The following PDZD2 variants were observed in gnomAD, a reference collection of about 807,000 sequenced individuals.
PDZD2 encodes PDZ domain containing 2, also known as PDZ domain-containing protein 2.
In PDZD2, 90 loss-of-function variants were observed where a neutral mutation model predicts 220.7. The ratio of observed to expected loss-of-function variants is 0.41; its 90% CI spans 0.34 to 0.49. The LOEUF is 0.49. PDZD2 is among the 20% of genes least tolerant of loss of function. PDZD2 has a pLI of 0.28. For missense variants in PDZD2, 3,174 were observed against 3,608.5 expected (o/e 0.88, Z 3.08); for synonymous variants, 1,375 against 1,450.5 (o/e 0.95, Z 1.18).
At chr5:31,885,770 T>G (rs1740405086) in intron 2 of PDZD2, among the ~76,000 whole-genome samples, 1 of 152,166 alleles carries the variant, frequency 6.6e-6, no homozygotes, top group African/African-American at 2.4e-5. Context: ...AATATAGCAT[T>G]AGATAAATGC....
At chr5:31,806,417 G>A (rs972315931) in intron 2 of PDZD2, among the ~76,000 whole-genome samples, 4 of 152,262 alleles carry the variant, frequency 2.6e-5, no homozygotes, top group Admixed American at 6.5e-5. Context: ...TACAGACCCC[G>A]TTCCTGATTC....
intron 1 of PDZD2, chr5:31,712,191 T>G (rs1373756573): frequency 6.6e-6 from 1 of 152,212 alleles, no homozygotes; most frequent in Non-Finnish European, 1.5e-5. Context: ...ATCATCCTGG[T>G]TATCTGTTGC....
intron 8 of PDZD2, among the ~76,000 whole-genome samples, chr5:32,051,645 C>T (rs1178900470): frequency 2.0e-5 from 3 of 152,096 alleles, no homozygotes; most frequent in African/African-American, 7.2e-5. Flanking sequence ...GCGCAGCCTG[C>T]TTACACGCGT....
intron 1 of PDZD2, among the ~76,000 whole-genome samples, chr5:31,683,222 A>AAAAG (rs1561381620): frequency 1.4e-4 from 21 of 148,648 alleles, no homozygotes; most frequent in African/African-American, 3.0e-4. Context: ...AAAAAAAAAA[A>AAAAG]AAAGAAAGAA....
In PDZD2 at chr5:31,639,526, C is replaced by G. The variant is rs1004290635; in HGVS notation, c.-361+89C>G. The G allele has an allele frequency of 6.6e-6, 1 of 151,966 alleles. No individual in the cohort carries two copies. The highest frequency in any genetic ancestry group is 1.5e-5 in the Non-Finnish European group (1 of 67,928). The allele number at this position is 151,966 out of a possible 1,614,324, so 9.4% of individuals were successfully genotyped here. On this transcript the variant is annotated intron_variant, in intron 1 of 24. Coordinates refer to ENST00000438447, the MANE Select transcript of PDZD2 (RefSeq NM_178140.4). The surrounding 1 kb of genome is among the most constrained non-coding windows in gnomAD (Gnocchi z 4.1). ...CCCGGCACCCCCGAGACCGTGTGTG[C>G]CCAGGAAAGTTTAGCTACAAATCCG...
At chr5:31,829,671 C>G (rs1213043082) in intron 2 of PDZD2, among the ~76,000 whole-genome samples, 1 of 152,042 alleles carries the variant, frequency 6.6e-6, no homozygotes, top group Non-Finnish European at 1.5e-5. Flanking sequence ...CAGAACTTAA[C>G]TAGTATGTCA....
intron 2 of PDZD2, among the ~76,000 whole-genome samples, chr5:31,814,571 C>G (rs1755313968): frequency 1.3e-5 from 2 of 152,072 alleles, no homozygotes; most frequent in African/African-American, 4.8e-5. Flanking sequence ...ACGTGTAATC[C>G]CAGGACTTTG....
intron 14 of PDZD2, among the ~76,000 whole-genome samples, chr5:32,068,772 TG>T (rs2112375900): frequency 6.6e-6 from 1 of 152,294 alleles, no homozygotes; most frequent in East Asian, 1.9e-4. Context: ...GAAATATTTA[TG>T]GGTAAGGGGT....
chr5:31,891,832 C>T (rs1741073549), intron 2 of PDZD2, among the ~76,000 whole-genome samples: 1 of 152,190 alleles, frequency 6.6e-6, no homozygotes, highest in Non-Finnish European at 1.5e-5. Context: ...AGAGTGAAGA[C>T]TGATACTGTT....
chr5:31,752,276 C>T (rs368446969), intron 1 of PDZD2, among the ~76,000 whole-genome samples: 4 of 151,844 alleles, frequency 2.6e-5, no homozygotes, highest in East Asian at 1.9e-4. Flanking sequence ...AGGCTGGGCA[C>T]GGTGGCTCAT....
intron 1 of PDZD2, among the ~76,000 whole-genome samples, chr5:31,770,368 T>C (rs1406455500): frequency 2.0e-5 from 3 of 152,172 alleles, no homozygotes; most frequent in Non-Finnish European, 4.4e-5. Context: ...GGATTCCCCA[T>C]ATGTGCTTCA....
At position 31,768,408 on chromosome 5, in the gene PDZD2, TG is replaced by T. The variant is rs776952546; in HGVS notation, c.-360-30480del. 2.8e-4 allele frequency among the ~76,000 whole-genome samples: 43 copies of T among 152,080 alleles called. No individual in the cohort carries two copies. In the East Asian group the frequency reaches 8.1e-3, roughly 29 times the overall value. ...CTGTAATCCCAGCACTTTGGGAGCC[TG>T]AGGTGGGTGGATCACAAGGTCAGGA... On this transcript the variant is annotated intron_variant, in intron 1 of 24. Transcript: ENST00000438447.
At chr5:31,692,769 G>T (rs400042) in intron 1 of PDZD2, 2 of 152,178 alleles carry the variant, frequency 1.3e-5, no homozygotes, top group African/African-American at 4.8e-5. Flanking sequence ...GCCAGGGCCC[G>T]TTGCCAGCAC....
chr5:31,828,497 T>G (rs1297054840), intron 2 of PDZD2, among the ~76,000 whole-genome samples: 1 of 152,186 alleles, frequency 6.6e-6, no homozygotes, highest in Non-Finnish European at 1.5e-5. Flanking sequence ...TCTATTTATT[T>G]TATTTTTTAA....
intron 1 of PDZD2, among the ~76,000 whole-genome samples, chr5:31,667,499 T>C (rs1746041811): frequency 6.6e-6 from 1 of 151,710 alleles, no homozygotes; most frequent in Non-Finnish European, 1.5e-5. Flanking sequence ...TGCTGGATAG[T>C]GGGGGCTGGG....
chr5:32,078,370 G>A (rs1306468132), intron 19 of PDZD2, among the ~76,000 whole-genome samples: 1 of 152,144 alleles, frequency 6.6e-6, no homozygotes, highest in Non-Finnish European at 1.5e-5. Context: ...AGTGGCTCAT[G>A]CCTGTAATCC....
chr5:32,013,681 T>C (rs924741246), intron 6 of PDZD2, among the ~76,000 whole-genome samples: 1 of 152,190 alleles, frequency 6.6e-6, no homozygotes, highest in African/African-American at 2.4e-5. Flanking sequence ...AAGCTCTTAA[T>C]ACACTGATCC....
rs566850733 is a variant in PDZD2, at chr5:31,931,457, C to T, written c.477-51698C>T. ...ACAGGCGTGAGGCGCTGTGCCTGGCCGCATAGTAGATTTTTTAGGGCAGGC... is the reference window on the plus strand; with the variant it reads ...ACAGGCGTGAGGCGCTGTGCCTGGCTGCATAGTAGATTTTTTAGGGCAGGC... On this transcript the variant is annotated intron_variant, in intron 2 of 24. Transcript: ENST00000438447. 7.2e-5 allele frequency among the ~76,000 whole-genome samples: 11 copies of T among 152,206 alleles called. 2 individuals carry two copies. Among genetic ancestry groups the T allele is most frequent in the African/African-American group, 2.6e-4 (11 of 41,524 alleles).
chr5:31,911,385 C>T (rs1442027174), intron 2 of PDZD2, among the ~76,000 whole-genome samples: 1 of 152,230 alleles, frequency 6.6e-6, no homozygotes, highest in Non-Finnish European at 1.5e-5. Flanking sequence ...AGTTGAGACT[C>T]ACCCTTTGTG....
Sources: gnomAD v4.1 joint callset for allele counts (sites outside exome capture counted in the v4.1 genomes callset) on GRCh38, gnomAD v4.1.1 for gene constraint, Gnocchi (gnomAD v3.1) non-coding constraint, MANE v1.5 for transcripts, NCBI Gene and HGNC (gene_info 2026-07-23, HGNC 2026-07-21) for gene names.